The following ABRA variants were observed in gnomAD, a reference collection of about 807,000 sequenced individuals.
ABRA encodes actin binding Rho activating protein.
ABRA carries 25 observed loss-of-function variants against 33.4 expected under a neutral mutation model. The ratio of observed to expected loss-of-function variants is 0.75; its 90% CI spans 0.55 to 1.04. ABRA has a LOEUF of 1.04. ABRA is among the 50% of genes least tolerant of loss of function. ABRA has a pLI of 0.00. For missense variants in ABRA, 501 were observed against 491.7 expected (o/e 1.02, Z -0.18); for synonymous variants, 193 against 176.8 (o/e 1.09, Z -0.73).
chr8:106,760,890 T>C lies in ABRA; in HGVS notation c.*147A>G, dbSNP rs921406288. 9 of 745,860 alleles carry C rather than the reference T, an allele frequency of 1.2e-5. No individual in the cohort carries two copies. Among genetic ancestry groups the C allele is most frequent in the Non-Finnish European group, 2.0e-5 (9 of 446,718 alleles). The allele number at this position is 745,860 out of a possible 1,614,324, so 46.2% of individuals were successfully genotyped here. ...AATCTCCAAAATTCCTCATTCTAGA[T>C]AGAAATAGAATGCCAGAAAGTCGTT... On this transcript the variant is annotated 3_prime_UTR_variant, in exon 2 of 2. Transcript: ENST00000311955.
Position 106,761,290 on chromosome 8 carries a change from C to CTT in ABRA, c.891_892dup (p.Arg298LysfsTer14), listed in dbSNP as rs1236830251. ...GATGTGCTCCTCAGCACGCTTGGCC[C>CTT]TTTCAGCAGTTTTGGTTCCTTCTTT... On this transcript the variant is annotated frameshift_variant, in exon 2 of 2. Coordinates refer to ENST00000311955, the MANE Select transcript of ABRA (RefSeq NM_139166.5). LOFTEE classifies it high-confidence loss of function. 1 of 1,614,076 alleles carries CTT rather than the reference C, an allele frequency of 6.2e-7. No homozygotes were observed. Among genetic ancestry groups the CTT allele is most frequent in the African/African-American group, 1.3e-5 (1 of 74,920 alleles).
At position 106,760,222 on chromosome 8, in the gene ABRA, T is replaced by C. The variant is rs941563277; in HGVS notation, c.*815A>G. The C allele has an allele frequency of 6.6e-6, 1 of 152,220 alleles. No individual in the cohort carries two copies. The highest frequency in any genetic ancestry group is 1.5e-5 in the Non-Finnish European group (1 of 68,032). 9.4% of individuals were successfully genotyped at this position (152,220 alleles called of 1,614,324 possible). ...GGCAAGTAAATCTGAATCTCTCACC[T>C]CTGCTCTACTTTTAGTGAGGGTGTG... is the stretch of plus-strand genomic sequence containing the variant. On this transcript the variant is annotated 3_prime_UTR_variant, in exon 2 of 2. Transcript: ENST00000311955.
In ABRA at chr8:106,761,050, G is replaced by A. The variant is rs200631708; in HGVS notation, c.1133C>T (p.Thr378Met). 5.9e-5 allele frequency: 95 copies of A among 1,613,064 alleles called. No individual in the cohort carries two copies. In the East Asian group the frequency reaches 1.4e-3, roughly 24 times the overall value. ...GTTTTTGAAGGTTCACTTGAGTAGC[G>A]TAATCACAACATGGTCATCTCGGCC... ...WQGRDDHVVI[T>M]LLK The change falls in exon 2 of 2, where the codon ACG (threonine) becomes ATG (methionine). Residue 378 changes from threonine to methionine, a missense_variant. Thr to Met is a moderately conservative substitution (Grantham distance 81). Transcript: ENST00000311955.
intron 1 of ABRA, among the ~76,000 whole-genome samples, chr8:106,765,191 TA>T (rs1294684603): frequency 2.6e-5 from 4 of 152,284 alleles, no homozygotes; most frequent in African/African-American, 9.6e-5. Context: ...TCATTATTAG[TA>T]AAAAAACTTT....
Position 106,760,721 on chromosome 8 carries a change from A to G in ABRA, c.*316T>C. 2 of 260,940 alleles carry G rather than the reference A, an allele frequency of 7.7e-6. No homozygotes were observed. The highest frequency in any genetic ancestry group is 1.5e-5 in the Non-Finnish European group (2 of 136,614). 16.2% of individuals were successfully genotyped at this position (260,940 alleles called of 1,614,324 possible). A position where few individuals can be genotyped will look rare whatever the true frequency, so the allele number is the denominator to read the frequency against. On this transcript the variant is annotated 3_prime_UTR_variant, in exon 2 of 2. Transcript: ENST00000311955. ...TGAGGTGAGAGGATCACTTGAGGCC[A>G]GGAGTTAAAAGACCAGCTTTGGTGA... is the stretch of plus-strand genomic sequence containing the variant.
At position 106,770,177 on chromosome 8, in the gene ABRA, T is replaced by G; in HGVS notation, c.14A>C (p.Glu5Ala). The change falls in exon 1 of 2, where the codon GAA becomes GCA. Residue 5 changes from glutamate to alanine, a missense_variant. Transcript: ENST00000311955. ...GGCTGGGCCCTCCCCGCTTTCCTTTTCGCCCGGAGCCATGCTGCCCACCTG... is the reference window on the plus strand; with the variant it reads ...GGCTGGGCCCTCCCCGCTTTCCTTTGCGCCCGGAGCCATGCTGCCCACCTG... MAPG[E>A]KESGEGPAKS... 1 of 1,606,970 alleles carries G rather than the reference T, an allele frequency of 6.2e-7. No homozygotes were observed. The highest frequency in any genetic ancestry group is 8.5e-7 in the Non-Finnish European group (1 of 1,178,644).
At chr8:106,766,937 G>A (rs757124264) in intron 1 of ABRA, among the ~76,000 whole-genome samples, 5 of 152,150 alleles carry the variant, frequency 3.3e-5, no homozygotes, top group Non-Finnish European at 5.9e-5. Flanking sequence ...TATTCCAAGC[G>A]TAGGCATTTC....
Position 106,761,059 on chromosome 8 carries a change from A to G in ABRA, c.1124T>C (p.Val375Ala). 6.2e-7 allele frequency: 1 copy of G among 1,614,084 alleles called. No homozygotes were observed. Among genetic ancestry groups the G allele is most frequent in the Non-Finnish European group, 8.5e-7 (1 of 1,179,896 alleles). The stretch of plus-strand genomic sequence containing the variant: ...GGTTCACTTGAGTAGCGTAATCACA[A>G]CATGGTCATCTCGGCCTTGCCATAG... The part of the protein sequence containing the change: ...EMLWQGRDDH[V>A]VITLLK Residue 375 changes from valine (V) to alanine (A), a missense_variant, in exon 2 of 2, where the codon GTT becomes GCT. Transcript: ENST00000311955.
In ABRA at chr8:106,761,260, C is replaced by T; in HGVS notation, c.923G>A (p.Arg308Lys). 6.2e-7 allele frequency: 1 copy of T among 1,614,236 alleles called. No homozygotes were observed. The highest frequency in any genetic ancestry group is 8.5e-7 in the Non-Finnish European group (1 of 1,180,050). The change falls in exon 2 of 2, where the codon AGG becomes AAG. Residue 308 changes from arginine to lysine, a missense_variant. Arg to Lys is a conservative substitution (Grantham distance 26). Coordinates refer to ENST00000311955, the MANE Select transcript of ABRA (RefSeq NM_139166.5). ...AATGAAGCACATGTCCATCATTTCCCTGTAGATGTGCTCCTCAGCACGCTT... is the reference window on the plus strand; with the variant it reads ...AATGAAGCACATGTCCATCATTTCCTTGTAGATGTGCTCCTCAGCACGCTT... ...RAKRAEEHIY[R>K]EMMDMCFIIC...
chr8:106,762,165 C>T (rs1049495752), intron 1 of ABRA, among the ~76,000 whole-genome samples: 1 of 152,214 alleles, frequency 6.6e-6, no homozygotes, highest in African/African-American at 2.4e-5. Context: ...ATAGGTACTA[C>T]TATTCCTACT....
chr8:106,760,846 A>C lies in ABRA; in HGVS notation c.*191T>G. ...ATTAACATTCTATGTGCTTTCTGAA[A>C]TGCTTTGTGCCTTCTCAAAATCTCC... On this transcript the variant is annotated 3_prime_UTR_variant, in exon 2 of 2. Coordinates refer to ENST00000311955, the MANE Select transcript of ABRA (RefSeq NM_139166.5). The C allele has an allele frequency of 1.6e-6, 1 of 606,462 alleles. No homozygotes were observed. The highest frequency in any genetic ancestry group is 2.9e-6 in the Non-Finnish European group (1 of 342,862). 37.6% of individuals were successfully genotyped at this position (606,462 alleles called of 1,614,324 possible). A position where few individuals can be genotyped will look rare whatever the true frequency, so the allele number is the denominator to read the frequency against.
At chr8:106,768,870 C>T (rs1810546234) in intron 1 of ABRA, among the ~76,000 whole-genome samples, 1 of 152,156 alleles carries the variant, frequency 6.6e-6, no homozygotes, top group East Asian at 1.9e-4. Flanking sequence ...CTCCTGGCCT[C>T]AAGTGATCCG....
intron 1 of ABRA, among the ~76,000 whole-genome samples, chr8:106,764,674 A>T (rs189593811): frequency 2.6e-5 from 4 of 151,342 alleles, no homozygotes; most frequent in Non-Finnish European, 5.9e-5. Context: ...CAAACAAACA[A>T]AAAAGACTGT....
chr8:106,765,430 T>C (rs1836203641), intron 1 of ABRA, among the ~76,000 whole-genome samples: 1 of 152,226 alleles, frequency 6.6e-6, no homozygotes, highest in African/African-American at 2.4e-5. Context: ...TAGATCTTCC[T>C]GTAGAGGGAG....
chr8:106,763,630 A>T (rs532464772), intron 1 of ABRA, among the ~76,000 whole-genome samples: 2 of 152,210 alleles, frequency 1.3e-5, no homozygotes, highest in Non-Finnish European at 2.9e-5. Flanking sequence ...GAGCCATGCT[A>T]ATCAATGACT....
chr8:106,760,984 G>A lies in ABRA; in HGVS notation c.*53C>T. ...TTGCATTTTCATTTTACCTACATGA[G>A]CATTTAGCATTAAGACCATAGTGGG... is the stretch of plus-strand genomic sequence containing the variant. On this transcript the variant is annotated 3_prime_UTR_variant, in exon 2 of 2. Coordinates refer to ENST00000311955, the MANE Select transcript of ABRA (RefSeq NM_139166.5). The A allele has an allele frequency of 6.8e-7, 1 of 1,466,712 alleles. No homozygotes were observed. Among genetic ancestry groups the A allele is most frequent in the Non-Finnish European group, 9.4e-7 (1 of 1,063,614 alleles). The allele number at this position is 1,466,712 out of a possible 1,614,324, so 90.9% of individuals were successfully genotyped here.
At chr8:106,764,527 C>G (rs770404820) in intron 1 of ABRA, among the ~76,000 whole-genome samples, 1 of 152,166 alleles carries the variant, frequency 6.6e-6, no homozygotes, top group Admixed American at 6.5e-5. Context: ...TGGCGCATGC[C>G]TATGGTCCCA....
intron 1 of ABRA, among the ~76,000 whole-genome samples, chr8:106,765,686 C>T (rs1161976299): frequency 6.6e-6 from 1 of 152,030 alleles, no homozygotes; most frequent in African/African-American, 2.4e-5. Context: ...TTTTCAGCTT[C>T]GTTTGAGAGC....
At chr8:106,767,540 A>G (rs977833553) in intron 1 of ABRA, among the ~76,000 whole-genome samples, 1 of 152,180 alleles carries the variant, frequency 6.6e-6, no homozygotes, top group African/African-American at 2.4e-5. Flanking sequence ...AAAACATTGC[A>G]TTTGGAGTAG....
Sources: gnomAD v4.1 joint callset for allele counts (sites outside exome capture counted in the v4.1 genomes callset) on GRCh38, gnomAD v4.1.1 for gene constraint, MANE v1.5 for transcripts, NCBI Gene and HGNC (gene_info 2026-07-23, HGNC 2026-07-21) for gene names.